Variants in EPHA5 observed in about 807,000 individuals in gnomAD.
The protein encoded by EPHA5 is ephrin type-A receptor 5.
A neutral mutation model predicts 105.0 loss-of-function variants in EPHA5; 60 were observed. That is an observed-to-expected ratio of 0.57 (90% CI 0.46 to 0.71). The LOEUF (loss-of-function observed/expected upper bound fraction) is 0.71. Ranked by LOEUF, EPHA5 falls within the 30% of genes least tolerant of loss-of-function variation. The pLI, the probability that EPHA5 is intolerant of heterozygous loss-of-function variation, is 0.00. For missense variants in EPHA5, 1,218 were observed against 1,274.7 expected, an observed-to-expected ratio of 0.96 and a Z score of 0.68; for synonymous variants, 513 against 449.1, an observed-to-expected ratio of 1.14 and a Z score of -1.80.
chr4:65,410,515 A>C (rs2149007667), intron 7 of EPHA5, among the ~76,000 whole-genome samples: 1 of 152,262 alleles, frequency 6.6e-6, no homozygotes, highest in Non-Finnish European at 1.5e-5. Flanking sequence ...GGTGGTAGAT[A>C]CACAAACTTG....
intron 3 of EPHA5, among the ~76,000 whole-genome samples, chr4:65,532,095 C>G (rs1034718288): frequency 6.6e-6 from 1 of 152,000 alleles, no homozygotes; most frequent in Non-Finnish European, 1.5e-5. Flanking sequence ...ATGTGATTAT[C>G]CTTATCTTAA....
At chr4:65,532,803 G>T (rs748620982) in intron 3 of EPHA5, among the ~76,000 whole-genome samples, 1 of 151,198 alleles carries the variant, frequency 6.6e-6, no homozygotes, top group East Asian at 1.9e-4. Context: ...CAGATCTCAA[G>T]TATTTTCCAG....
intron 5 of EPHA5, among the ~76,000 whole-genome samples, chr4:65,435,163 G>A (rs768354083): frequency 3.9e-5 from 6 of 151,956 alleles, no homozygotes; most frequent in Non-Finnish European, 5.9e-5. Context: ...TACACCCTGG[G>A]CAAGTTCATG....
Position 65,427,782 on chromosome 4 carries a change from A to G in EPHA5, c.1403-7217T>C, listed in dbSNP as rs1724587034. On this transcript the variant is annotated intron_variant, in intron 5 of 16. Transcript: ENST00000613740. ...TTTTCTAAGATGAAATAGTATTGGC[A>G]TTAGCATAGTGAATACATCTTTGAT... 2.6e-5 allele frequency among the ~76,000 whole-genome samples: 4 copies of G among 152,204 alleles called. No homozygotes were observed. The South Asian group carries it at 8.3e-4, about 31-fold the overall frequency.
At chr4:65,528,763 G>T (rs1578344101) in intron 3 of EPHA5, among the ~76,000 whole-genome samples, 1 of 152,130 alleles carries the variant, frequency 6.6e-6, no homozygotes, top group African/African-American at 2.4e-5. Flanking sequence ...GAAGCGGACA[G>T]CAAGAGGAGT....
intron 2 of EPHA5, among the ~76,000 whole-genome samples, chr4:65,609,944 G>A (rs1214566172): frequency 4.0e-5 from 6 of 151,832 alleles, no homozygotes; most frequent in African/African-American, 1.4e-4. Context: ...TTTAATGAGA[G>A]ATATTAAACA....
At chr4:65,647,868 C>T (rs937639106) in intron 1 of EPHA5, among the ~76,000 whole-genome samples, 2 of 152,040 alleles carry the variant, frequency 1.3e-5, no homozygotes, top group Non-Finnish European at 2.9e-5. Flanking sequence ...TGAATATGTA[C>T]TAAATTGCAA....
chr4:65,555,769 G>T (rs1339493696), intron 3 of EPHA5, among the ~76,000 whole-genome samples: 3 of 150,664 alleles, frequency 2.0e-5, no homozygotes, highest in Non-Finnish European at 4.4e-5. Context: ...GCTACAATGA[G>T]ATATATACCA....
At chr4:65,644,099 T>C (rs911875226) in intron 1 of EPHA5, among the ~76,000 whole-genome samples, 1 of 151,998 alleles carries the variant, frequency 6.6e-6, no homozygotes, top group African/African-American at 2.4e-5. Flanking sequence ...GGATGTTTCA[T>C]GTAGAACTGT....
intron 3 of EPHA5, among the ~76,000 whole-genome samples, chr4:65,507,492 C>T (rs1429217963): frequency 2.0e-5 from 3 of 152,168 alleles, no homozygotes; most frequent in Middle Eastern, 3.4e-3. Context: ...ATGCTTCCTA[C>T]CCATGAGCAT....
chr4:65,614,644 A>G (rs767559288), intron 2 of EPHA5, among the ~76,000 whole-genome samples: 2 of 151,886 alleles, frequency 1.3e-5, no homozygotes, highest in Admixed American at 1.3e-4. Context: ...ATATAGGCTA[A>G]TGCTTCATAC....
intron 3 of EPHA5, among the ~76,000 whole-genome samples, chr4:65,513,396 GT>G (rs368156214): frequency 6.6e-6 from 1 of 151,854 alleles, no homozygotes; most frequent in Non-Finnish European, 1.5e-5. Context: ...GTTTTGTTTT[GT>G]TTTTTCTGAG....
At chr4:65,353,718 A>T (rs1428403163) in intron 11 of EPHA5, among the ~76,000 whole-genome samples, 1 of 151,796 alleles carries the variant, frequency 6.6e-6, no homozygotes, top group Non-Finnish European at 1.5e-5. Context: ...ATCCTATCTA[A>T]CTGCCCTGTT....
chr4:65,356,667 AAAAGCAATTAAAAT>A (rs1723327647), intron 11 of EPHA5, among the ~76,000 whole-genome samples: 1 of 151,534 alleles, frequency 6.6e-6, no homozygotes, highest in Admixed American at 6.6e-5. Context: ...ATGATGGGGG[AAAAGCAATTAAAAT>A]GAATGTTTGC....
chr4:65,390,900 G>A (rs1720651689), intron 8 of EPHA5, among the ~76,000 whole-genome samples: 1 of 152,004 alleles, frequency 6.6e-6, no homozygotes, highest in Admixed American at 6.6e-5. Flanking sequence ...AAAATAATTG[G>A]TGTATTAGTT....
chr4:65,630,133 T>A (rs2149490197), intron 2 of EPHA5, among the ~76,000 whole-genome samples: 1 of 150,980 alleles, frequency 6.6e-6, no homozygotes, highest in Middle Eastern at 3.4e-3. Context: ...AACCATCAGG[T>A]AATGGTCAGG....
intron 1 of EPHA5, among the ~76,000 whole-genome samples, chr4:65,666,992 A>G (rs2149562975): frequency 6.6e-6 from 1 of 152,272 alleles, no homozygotes; most frequent in South Asian, 2.1e-4. Context: ...ACACACACAT[A>G]CACACACAGT....
chr4:65,339,889 C>T (rs541552067), intron 14 of EPHA5, among the ~76,000 whole-genome samples: 43 of 152,264 alleles, frequency 2.8e-4, no homozygotes, highest in Non-Finnish European at 3.4e-4. Flanking sequence ...GGAGAACCCG[C>T]ATGGTCCACA....
chr4:65,604,155 T>C (rs932654788), intron 2 of EPHA5, among the ~76,000 whole-genome samples: 3 of 8,708 alleles, frequency 3.4e-4, no homozygotes, highest in Admixed American at 1.7e-3. Context: ...TATATTCTAG[T>C]AGGATCCTCC....
Sources: gnomAD v4.1 joint callset for allele counts (sites outside exome capture counted in the v4.1 genomes callset) on GRCh38, gnomAD v4.1.1 for gene constraint, MANE v1.5 for transcripts, NCBI Gene and HGNC (gene_info 2026-07-23, HGNC 2026-07-21) for gene names.